Variants in RSPO3 observed in about 807,000 individuals in gnomAD.
RSPO3 encodes the protein R-spondin-3.
Under a neutral mutation model 36.5 loss-of-function variants are expected in RSPO3, and 17 were observed. That is an observed-to-expected ratio of 0.47 (90% CI 0.32 to 0.70). RSPO3 has a LOEUF of 0.70. Ranked by LOEUF, RSPO3 falls within the 30% of genes least tolerant of loss-of-function variation. RSPO3 has a pLI of 0.04. For missense variants in RSPO3, 294 were observed against 322.5 expected, an observed-to-expected ratio of 0.91 and a Z score of 0.68; for synonymous variants, 108 against 107.0, an observed-to-expected ratio of 1.01 and a Z score of -0.06.
chr6:127,151,189 T>C (rs1359795041), intron 3 of RSPO3, among the ~76,000 whole-genome samples: 1 of 151,900 alleles, frequency 6.6e-6, no homozygotes, highest in Non-Finnish European at 1.5e-5. Flanking sequence ...GCACAGGTAT[T>C]GATACATAAT....
chr6:127,129,796 T>C (rs1054465129), intron 1 of RSPO3, among the ~76,000 whole-genome samples: 5 of 152,086 alleles, frequency 3.3e-5, no homozygotes, highest in Non-Finnish European at 7.4e-5. Context: ...AATTCATCAC[T>C]ACAAGTTCTC....
In RSPO3 at chr6:127,198,115, G is replaced by A. The variant is rs180844088; in HGVS notation, c.*2108G>A. ...CTGCATAGGCAATGCTGGAAAAAGG[G>A]TTAAGTAAACCAGGACATGACAATG... is the stretch of plus-strand genomic sequence containing the variant. On this transcript the variant is annotated 3_prime_UTR_variant, in exon 5 of 5. Coordinates refer to ENST00000356698, the MANE Select transcript of RSPO3 (RefSeq NM_032784.5). Among the ~76,000 whole-genome samples, 1 of 152,336 alleles carries A rather than the reference G, an allele frequency of 6.6e-6. No individual in the cohort carries two copies. Among genetic ancestry groups the A allele is most frequent in the Admixed American group, 6.5e-5 (1 of 15,290 alleles).
chr6:127,134,747 T>G (rs555678146), intron 1 of RSPO3, among the ~76,000 whole-genome samples: 1 of 152,312 alleles, frequency 6.6e-6, no homozygotes, highest in African/African-American at 2.4e-5. Flanking sequence ...TACTTCCACA[T>G]GTTTATCTCA....
chr6:127,187,278 T>C, intron 4 of RSPO3, among the ~76,000 whole-genome samples: 1 of 152,160 alleles, frequency 6.6e-6, no homozygotes, highest in East Asian at 1.9e-4. Flanking sequence ...GTCTTTGAAA[T>C]ATTAGTGTTA....
chr6:127,130,762 C>T (rs1440987628), intron 1 of RSPO3, among the ~76,000 whole-genome samples: 4 of 152,200 alleles, frequency 2.6e-5, no homozygotes, highest in African/African-American at 9.6e-5. Context: ...TGCTTGGCCA[C>T]AAACTGAGGA....
intron 1 of RSPO3, among the ~76,000 whole-genome samples, chr6:127,142,810 GTTTGTT>G (rs374053219): frequency 3.4e-4 from 51 of 151,200 alleles, no homozygotes; most frequent in Non-Finnish European, 5.5e-4. Context: ...TTGTTTGTTT[GTTTGTT>G]TTTGTTTTTG....
chr6:127,128,006 T>C (rs1257420805), intron 1 of RSPO3, among the ~76,000 whole-genome samples: 1 of 152,064 alleles, frequency 6.6e-6, no homozygotes, highest in Non-Finnish European at 1.5e-5. Flanking sequence ...TTAAAAGCAA[T>C]AGGATTGCAC....
At chr6:127,152,515 A>G (rs1365874800) in intron 3 of RSPO3, among the ~76,000 whole-genome samples, 1 of 152,132 alleles carries the variant, frequency 6.6e-6, no homozygotes, top group East Asian at 1.9e-4. Flanking sequence ...TCCCAAAGAA[A>G]CATTTTAAGT....
At chr6:127,128,338 G>T (rs764944943) in intron 1 of RSPO3, among the ~76,000 whole-genome samples, 13 of 151,162 alleles carry the variant, frequency 8.6e-5, no homozygotes, top group Non-Finnish European at 1.3e-4. Flanking sequence ...AATTTCCTGG[G>T]GATCTTTAAA....
At chr6:127,150,186 T>C (rs9491698) in intron 2 of RSPO3, among the ~76,000 whole-genome samples, 69,162 of 149,194 alleles carry the variant, frequency 0.46, 16,133 homozygotes, top group East Asian at 0.53. Flanking sequence ...TATATATATA[T>C]ACACACACAC....
At chr6:127,184,369 T>C (rs1042388009) in intron 4 of RSPO3, among the ~76,000 whole-genome samples, 2 of 151,848 alleles carry the variant, frequency 1.3e-5, no homozygotes, top group Non-Finnish European at 2.9e-5. Flanking sequence ...CCTTGACAAA[T>C]TGCAAAAAGG....
intron 4 of RSPO3, among the ~76,000 whole-genome samples, chr6:127,174,004 T>C (rs1774995771): frequency 6.6e-6 from 1 of 151,914 alleles, no homozygotes; most frequent in East Asian, 1.9e-4. Context: ...GCTATTTCTT[T>C]ATAAAAATAT....
intron 1 of RSPO3, among the ~76,000 whole-genome samples, chr6:127,127,813 CCTT>C (rs1166441955): frequency 1.3e-5 from 2 of 151,972 alleles, no homozygotes; most frequent in Non-Finnish European, 2.9e-5. Flanking sequence ...CTTCTTTCCT[CCTT>C]CTTTCTTTAT....
chr6:127,180,487 C>CAAAAAAAAA (rs71543112), intron 4 of RSPO3, among the ~76,000 whole-genome samples: 15 of 42,644 alleles, frequency 3.5e-4, no homozygotes, highest in Non-Finnish European at 4.2e-4. Flanking sequence ...TGGAAGAAAA[C>CAAAAAAAAA]AAAAAAAAAA....
At chr6:127,129,439 T>C (rs1329705208) in intron 1 of RSPO3, among the ~76,000 whole-genome samples, 1 of 151,920 alleles carries the variant, frequency 6.6e-6, no homozygotes, top group Non-Finnish European at 1.5e-5. Context: ...ATAATATGGG[T>C]TCCAATGAGT....
At chr6:127,120,461 G>T (rs1773820379) in intron 1 of RSPO3, among the ~76,000 whole-genome samples, 1 of 152,230 alleles carries the variant, frequency 6.6e-6, no homozygotes, top group Non-Finnish European at 1.5e-5. Context: ...CCTCCGCGGC[G>T]TGCAGCCCAG....
intron 4 of RSPO3, among the ~76,000 whole-genome samples, chr6:127,181,002 T>C (rs1357569338): frequency 2.0e-5 from 3 of 151,880 alleles, no homozygotes; most frequent in Non-Finnish European, 2.9e-5. Flanking sequence ...CGTTTCCTGA[T>C]ACCTATTTCA....
At chr6:127,193,555 A>G (rs541555397) in intron 4 of RSPO3, among the ~76,000 whole-genome samples, 1 of 152,314 alleles carries the variant, frequency 6.6e-6, no homozygotes, top group Non-Finnish European at 1.5e-5. Flanking sequence ...AGTTGAACTC[A>G]AACACCTCCA....
At chr6:127,171,758 G>C (rs1774938941) in intron 4 of RSPO3, among the ~76,000 whole-genome samples, 1 of 151,466 alleles carries the variant, frequency 6.6e-6, no homozygotes, top group Non-Finnish European at 1.5e-5. Context: ...ATGTTAGGTT[G>C]CAAACTAGCT....
Sources: allele counts gnomAD v4.1 joint callset (sites outside exome capture counted in the v4.1 genomes callset), GRCh38; gene constraint gnomAD v4.1.1; transcripts MANE v1.5; gene names NCBI Gene and HGNC (gene_info 2026-07-23, HGNC 2026-07-21).